MAST2: variants seen among roughly 807,000 people sequenced by gnomAD.
The protein encoded by MAST2 is microtubule-associated serine/threonine-protein kinase 2.
MAST2 carries 70 observed loss-of-function variants against 147.4 expected under a neutral mutation model. That is an observed-to-expected ratio of 0.47 (90% CI 0.39 to 0.58). The LOEUF (loss-of-function observed/expected upper bound fraction) is 0.58. Ranked by LOEUF, MAST2 falls within the 20% of genes least tolerant of loss-of-function variation. MAST2 has a pLI of 0.00. For missense variants in MAST2, 2,080 were observed against 2,302.3 expected (o/e 0.90, Z 1.98); for synonymous variants, 869 against 896.8 (o/e 0.97, Z 0.55).
chr1:45,823,112 A>G (rs1644686453), intron 1 of MAST2, among the ~76,000 whole-genome samples: 1 of 151,924 alleles, frequency 6.6e-6, no homozygotes, highest in Non-Finnish European at 1.5e-5. Context: ...TTTGTAAATC[A>G]TGTTTTGGAT....
At chr1:45,990,330 C>A (rs926369645) in intron 5 of MAST2, among the ~76,000 whole-genome samples, 1 of 152,112 alleles carries the variant, frequency 6.6e-6, no homozygotes, top group Admixed American at 6.6e-5. Flanking sequence ...TGTTTGCTAT[C>A]TGTATATCTT....
chr1:45,932,587 C>T (rs547316139), intron 4 of MAST2, among the ~76,000 whole-genome samples: 90 of 152,180 alleles, frequency 5.9e-4, no homozygotes, highest in South Asian at 3.1e-3. Context: ...GCACGAGAAT[C>T]GCTTGAACCC....
At chr1:45,950,263 G>A (rs1332961963) in intron 4 of MAST2, among the ~76,000 whole-genome samples, 1 of 152,012 alleles carries the variant, frequency 6.6e-6, no homozygotes, top group Non-Finnish European at 1.5e-5. Flanking sequence ...CCAAAAATGG[G>A]GTCAGGGAGG....
rs181725615 is a variant in MAST2 at position 45,805,332 on chromosome 1, A to C, written c.177+1260A>C. On this transcript the variant is annotated intron_variant, in intron 1 of 28. Coordinates refer to ENST00000361297, the MANE Select transcript of MAST2 (RefSeq NM_015112.3). ...AGCCAGTGTGCCCGGCCCTTTAGAC[A>C]GTTTAAAAATTATATACCATGCTAG... Among the ~76,000 whole-genome samples the C allele has an allele frequency of 5.1e-4, 78 of 152,252 alleles. 2 individuals carry two copies. Among genetic ancestry groups the C allele is most frequent in the African/African-American group, 1.9e-3 (77 of 41,536 alleles).
chr1:45,908,986 T>C (rs1304301079), intron 4 of MAST2, among the ~76,000 whole-genome samples: 1 of 152,238 alleles, frequency 6.6e-6, no homozygotes, highest in Non-Finnish European at 1.5e-5. Context: ...TAGTTCTCTT[T>C]CGGTAATGTC....
chr1:45,867,625 G>T (rs1570442869), intron 3 of MAST2, among the ~76,000 whole-genome samples: 1 of 152,164 alleles, frequency 6.6e-6, no homozygotes, highest in South Asian at 2.1e-4. Flanking sequence ...AGACTGTTGT[G>T]GTCAAAAAAA....
chr1:46,025,912 C>G, intron 16 of MAST2, 97 bp downstream of exon 16: 2 of 1,489,130 alleles, frequency 1.3e-6, no homozygotes, highest in Non-Finnish European at 1.9e-6. Context: ...ATCCAGATGG[C>G]TACCGGGAAA....
rs565855161 is a variant in MAST2 at position 45,935,618 on chromosome 1, A to G, written c.501-23768A>G. Among the ~76,000 whole-genome samples, 94 of 152,354 alleles carry G rather than the reference A, an allele frequency of 6.2e-4. No homozygotes were observed. The South Asian group carries it at 0.019, about 31-fold the overall frequency. On this transcript the variant is annotated intron_variant, in intron 4 of 28. Coordinates refer to ENST00000361297, the MANE Select transcript of MAST2 (RefSeq NM_015112.3). ...TTCAACATTCTGCATACGGCTAGCC[A>G]GTTATCCCAGCACCATTTATTGAAT... is the stretch of plus-strand genomic sequence containing the variant.
chr1:45,827,106 G>C (rs1489721533), intron 2 of MAST2, among the ~76,000 whole-genome samples: 1 of 152,170 alleles, frequency 6.6e-6, no homozygotes, highest in Non-Finnish European at 1.5e-5. Context: ...GGAATTACAG[G>C]CGGGAGCCAC....
At chr1:45,807,903 A>G (rs74227055) in intron 1 of MAST2, among the ~76,000 whole-genome samples, 1 of 152,208 alleles carries the variant, frequency 6.6e-6, no homozygotes, top group Non-Finnish European at 1.5e-5. Flanking sequence ...GTAATAATTT[A>G]TGATTTTAAA....
intron 4 of MAST2, among the ~76,000 whole-genome samples, chr1:45,957,686 T>C (rs1487064705): frequency 6.6e-6 from 1 of 151,938 alleles, no homozygotes; most frequent in Non-Finnish European, 1.5e-5. Context: ...GTATTGGAGG[T>C]TTAAGGAGAA....
At chr1:45,931,238 C>A (rs1445637353) in intron 4 of MAST2, among the ~76,000 whole-genome samples, 1 of 152,010 alleles carries the variant, frequency 6.6e-6, no homozygotes, top group African/African-American at 2.4e-5. Context: ...ACTTTTATAA[C>A]CTCAATACTT....
intron 5 of MAST2, among the ~76,000 whole-genome samples, chr1:45,985,661 G>T (rs1046528777): frequency 6.6e-6 from 1 of 152,142 alleles, no homozygotes; most frequent in African/African-American, 2.4e-5. Context: ...ACAGGCAGCT[G>T]GTATTTTTAT....
rs182917358 is a variant in MAST2 at position 45,990,620 on chromosome 1, G to T, written c.593-7104G>T. 8.6e-3 allele frequency among the ~76,000 whole-genome samples: 1,310 copies of T among 152,230 alleles called. 7 individuals carry two copies. The highest frequency in any genetic ancestry group is 0.015 in the South Asian group (74 of 4,814). On this transcript the variant is annotated intron_variant, in intron 5 of 28. Coordinates refer to ENST00000361297, the MANE Select transcript of MAST2 (RefSeq NM_015112.3). ...CCACCTCAGCCTCCTAAGTAGCTGA[G>T]ACCAGGTGCGTTAGGCTGCCACACA... is the stretch of plus-strand genomic sequence containing the variant.
At chr1:45,844,816 A>T (rs1175325098) in intron 3 of MAST2, among the ~76,000 whole-genome samples, 8 of 152,116 alleles carry the variant, frequency 5.3e-5, no homozygotes, top group Non-Finnish European at 7.4e-5. Flanking sequence ...TGCTGCTATG[A>T]CAGAATACTC....
rs145767047 is a variant in MAST2 at position 45,857,947 on chromosome 1, C to A, written c.469-24417C>A. 1.8e-3 allele frequency among the ~76,000 whole-genome samples: 262 copies of A among 144,586 alleles called. 7 individuals carry two copies. The East Asian group carries it at 0.041, about 23-fold the overall frequency. The allele number at this position is 144,586 out of a possible 152,430, so 94.9% of individuals were successfully genotyped here. ...TCCCTACAAAGGACATGAACATATCCTTTTTTATGGCTGCATAGTATTCCA... is the reference window on the plus strand; with the variant it reads ...TCCCTACAAAGGACATGAACATATCATTTTTTATGGCTGCATAGTATTCCA... On this transcript the variant is annotated intron_variant, in intron 3 of 28. Transcript: ENST00000361297.
intron 2 of MAST2, among the ~76,000 whole-genome samples, chr1:45,828,015 G>A (rs937675769): frequency 4.0e-5 from 6 of 151,654 alleles, no homozygotes; most frequent in African/African-American, 1.5e-4. Context: ...TTTTTTCTTG[G>A]AGATGAGGTC....
intron 3 of MAST2, among the ~76,000 whole-genome samples, chr1:45,830,181 C>CCT (rs571697496): frequency 7.4e-5 from 8 of 108,256 alleles, no homozygotes; most frequent in Non-Finnish European, 1.2e-4. Flanking sequence ...TTAATTGAAT[C>CCT]TTTTTTTTTT....
At position 46,035,459 on chromosome 1, in the gene MAST2, C is replaced by T; in HGVS notation, c.4790C>T (p.Ser1597Leu). Reference sequence around the variant, plus strand: ...ATTGAGGAGGCTGCCAGCTCCTCCTCAGCAGGCCCCAACCTAGGTCAGTCT... The same window carrying T: ...ATTGAGGAGGCTGCCAGCTCCTCCTTAGCAGGCCCCAACCTAGGTCAGTCT... The part of the protein sequence containing the change: ...QAIEEAASSS[S>L]AGPNLGQSGA... The change falls in exon 29 of 29, where the codon TCA (serine) becomes TTA (leucine). Residue 1597 changes from serine to leucine, a missense_variant. Ser to Leu is a moderately radical substitution (Grantham distance 145). This residue lies in a region of MAST2 where 1,278 missense variants were observed against 1,304.2 expected (regional missense o/e 0.98). Coordinates refer to ENST00000361297, the MANE Select transcript of MAST2 (RefSeq NM_015112.3). The surrounding 1 kb of genome is among the most constrained non-coding windows in gnomAD (Gnocchi z 5.5). 6.2e-7 allele frequency: 1 copy of T among 1,613,308 alleles called. No homozygotes were observed. The highest frequency in any genetic ancestry group is 8.5e-7 in the Non-Finnish European group (1 of 1,179,958).
Sources: gnomAD v4.1 joint callset for allele counts (sites outside exome capture counted in the v4.1 genomes callset) on GRCh38, gnomAD v4.1.1 for gene constraint, gnomAD v4.1.1 regional missense constraint, Gnocchi (gnomAD v3.1) non-coding constraint, MANE v1.5 for transcripts, NCBI Gene and HGNC (gene_info 2026-07-23, HGNC 2026-07-21) for gene names.